The following ANKRD31 variants were observed in gnomAD, a reference collection of about 807,000 sequenced individuals.
ANKRD31 encodes ankyrin repeat domain-containing protein 31.
Under a neutral mutation model 186.0 loss-of-function variants are expected in ANKRD31, and 147 were observed. The observed-to-expected ratio is 0.79, with a 90% CI of 0.69 to 0.91. The LOEUF is 0.91. Ranked by LOEUF, ANKRD31 falls within the 40% of genes least tolerant of loss-of-function variation. The probability of loss-of-function intolerance (pLI) is 0.00; values close to 1 mark genes in which losing one functional copy is unlikely to be tolerated. For missense variants in ANKRD31, 1,986 were observed against 2,148.8 expected (o/e 0.92, Z 1.50); for synonymous variants, 673 against 736.4 (o/e 0.91, Z 1.39).
intron 22 of ANKRD31, among the ~76,000 whole-genome samples, chr5:75,100,494 C>T (rs1372246748): frequency 5.3e-5 from 8 of 152,068 alleles, no homozygotes; most frequent in Admixed American, 2.0e-4. Context: ...CTTTCTGTCT[C>T]GTTGATCTGT....
At chr5:75,085,654 G>C (rs1416824545) in intron 23 of ANKRD31, among the ~76,000 whole-genome samples, 1 of 151,906 alleles carries the variant, frequency 6.6e-6, no homozygotes, top group African/African-American at 2.4e-5. Context: ...CACCTGCCTT[G>C]GCCTCCCAAA....
chr5:75,191,069 C>T (rs912665493), intron 9 of ANKRD31, among the ~76,000 whole-genome samples: 3 of 151,956 alleles, frequency 2.0e-5, no homozygotes, highest in African/African-American at 7.2e-5. Context: ...AACTCAGAAA[C>T]CAAGAGGATT....
intron 14 of ANKRD31, among the ~76,000 whole-genome samples, chr5:75,144,394 G>A (rs1204279270): frequency 6.6e-6 from 1 of 152,014 alleles, no homozygotes; most frequent in Admixed American, 6.6e-5. Flanking sequence ...ACAATTTCCT[G>A]CTATCAAAAT....
chr5:75,190,267 C>T (rs1428226163), intron 9 of ANKRD31, among the ~76,000 whole-genome samples: 1 of 152,136 alleles, frequency 6.6e-6, no homozygotes, highest in Non-Finnish European at 1.5e-5. Flanking sequence ...GCGATCCACC[C>T]ACTTCAGCCT....
chr5:75,170,738 T>G (rs1456733739), intron 10 of ANKRD31, among the ~76,000 whole-genome samples: 5 of 151,988 alleles, frequency 3.3e-5, no homozygotes, highest in Non-Finnish European at 7.4e-5. Context: ...AAGACACAGA[T>G]AGGTTGAAAA....
chr5:75,138,362 T>C (rs1750760504), intron 16 of ANKRD31, among the ~76,000 whole-genome samples: 1 of 152,206 alleles, frequency 6.6e-6, no homozygotes, highest in Admixed American at 6.5e-5. Context: ...AAATGACACC[T>C]GGTTTAATTA....
rs1748444017 is a variant in ANKRD31 at position 75,118,125 on chromosome 5, A to G, written c.4039+10T>C. 1 of 1,415,250 alleles carries G rather than the reference A, an allele frequency of 7.1e-7. No individual in the cohort carries two copies. 87.7% of individuals were successfully genotyped at this position (1,415,250 alleles called of 1,614,324 possible). ...TCTATATAAAATAGCAGCAATATTG[A>G]TATACATACCATTGACTATAGCATC... On this transcript the variant is annotated intron_variant, in intron 18 of 25. Transcript: ENST00000506364.
intron 10 of ANKRD31, among the ~76,000 whole-genome samples, chr5:75,176,625 T>C (rs1753823892): frequency 6.6e-6 from 1 of 152,136 alleles, no homozygotes; most frequent in Non-Finnish European, 1.5e-5. Flanking sequence ...ACAAGCAGGG[T>C]CTGGAGTGGA....
intron 17 of ANKRD31, among the ~76,000 whole-genome samples, chr5:75,119,416 C>A (rs1748570118): frequency 6.6e-6 from 1 of 152,210 alleles, no homozygotes; most frequent in African/African-American, 2.4e-5. Context: ...ATCCATGTTG[C>A]TGCAAAGGAC....
intron 17 of ANKRD31, among the ~76,000 whole-genome samples, chr5:75,123,560 T>A (rs1411229336): frequency 6.6e-6 from 1 of 151,874 alleles, no homozygotes; most frequent in African/African-American, 2.4e-5. Context: ...GTTATAATAA[T>A]CAAAAAGCAT....
intron 5 of ANKRD31, among the ~76,000 whole-genome samples, chr5:75,200,923 A>G (rs1291468860): frequency 6.6e-6 from 1 of 150,810 alleles, no homozygotes; most frequent in African/African-American, 2.4e-5. Context: ...AAAAAAAAAA[A>G]GAAAAGAAAA....
chr5:75,151,618 A>T (rs1483719927), intron 12 of ANKRD31, among the ~76,000 whole-genome samples: 1 of 152,012 alleles, frequency 6.6e-6, no homozygotes, highest in Non-Finnish European at 1.5e-5. Context: ...TCTTTCCTTT[A>T]TAAGTTACCC....
chr5:75,130,635 A>T (rs939070445), intron 17 of ANKRD31, among the ~76,000 whole-genome samples: 10 of 152,172 alleles, frequency 6.6e-5, no homozygotes, highest in Admixed American at 5.9e-4. Context: ...CCACCAGATT[A>T]TCTAGACACA....
intron 10 of ANKRD31, among the ~76,000 whole-genome samples, chr5:75,175,954 C>T (rs920856935): frequency 1.1e-4 from 17 of 152,174 alleles, no homozygotes; most frequent in South Asian, 8.3e-4. Context: ...ACCCGGGAAG[C>T]GCAAGGGGTC....
At chr5:75,120,718 T>C (rs886929146) in intron 17 of ANKRD31, among the ~76,000 whole-genome samples, 1 of 152,004 alleles carries the variant, frequency 6.6e-6, no homozygotes, top group African/African-American at 2.4e-5. Flanking sequence ...AAAGAATCTA[T>C]AAAACAACTA....
At chr5:75,155,298 T>C (rs927230878) in intron 11 of ANKRD31, among the ~76,000 whole-genome samples, 5 of 152,098 alleles carry the variant, frequency 3.3e-5, no homozygotes, top group African/African-American at 1.2e-4. Context: ...TATGTATGTA[T>C]ACATATTTTC....
At chr5:75,098,467 GAA>G (rs370921079) in intron 22 of ANKRD31, among the ~76,000 whole-genome samples, 8,223 of 152,136 alleles carry the variant, frequency 0.054, 504 homozygotes, top group African/African-American at 0.15. Flanking sequence ...ATTCTGTGAA[GAA>G]AGTCATTGGT....
intron 2 of ANKRD31, among the ~76,000 whole-genome samples, chr5:75,226,852 T>C (rs186812304): frequency 7.3e-4 from 111 of 152,302 alleles, no homozygotes; most frequent in African/African-American, 2.5e-3. Context: ...CTGTGGAGAA[T>C]AGTTTGGCAA....
chr5:75,161,657 C>G (rs1752576869), intron 11 of ANKRD31, among the ~76,000 whole-genome samples: 1 of 152,124 alleles, frequency 6.6e-6, no homozygotes, highest in Non-Finnish European at 1.5e-5. Flanking sequence ...CACAGCAGCC[C>G]CTCCCATCAC....
Sources: gnomAD v4.1 joint callset for allele counts (sites outside exome capture counted in the v4.1 genomes callset) on GRCh38, gnomAD v4.1.1 for gene constraint, MANE v1.5 for transcripts, NCBI Gene and HGNC (gene_info 2026-07-23, HGNC 2026-07-21) for gene names.